Variants in MS4A6E observed in about 807,000 individuals in gnomAD.
MS4A6E encodes the protein membrane-spanning 4-domains subfamily A member 6E.
A neutral mutation model predicts 13.2 loss-of-function variants in MS4A6E; 8 were observed. The observed-to-expected ratio is 0.60, with a 90% CI of 0.35 to 1.09. The LOEUF is 1.09. MS4A6E is among the 50% of genes least tolerant of loss of function. The pLI, the probability that MS4A6E is intolerant of heterozygous loss-of-function variation, is 0.02. For synonymous variants in MS4A6E, 72 were observed against 67.6 expected, an observed-to-expected ratio of 1.06 and a Z score of -0.32; for missense variants, 177 against 171.1, an observed-to-expected ratio of 1.03 and a Z score of -0.19.
intron 1 of MS4A6E, among the ~76,000 whole-genome samples, chr11:60,329,312 A>G (rs184660075): frequency 1.4e-3 from 212 of 152,276 alleles, no homozygotes; most frequent in African/African-American, 5.0e-3. Context: ...GTCCCTGAAA[A>G]GGACATGAAC....
downstream of MS4A6E, among the ~76,000 whole-genome samples, chr11:60,342,204 G>T (rs76877532): frequency 3.5e-4 from 34 of 98,196 alleles, no homozygotes; most frequent in Non-Finnish European, 5.1e-4. Flanking sequence ...AGAGAGAGGG[G>T]GGGGGAGAGA....
downstream of MS4A6E, among the ~76,000 whole-genome samples, chr11:60,345,515 G>C (rs946009651): frequency 2.6e-5 from 4 of 152,142 alleles, no homozygotes; most frequent in African/African-American, 4.8e-5. Flanking sequence ...GTCTAGTCTG[G>C]ATTTTCTAGG....
At chr11:60,336,316 A>C (rs1169776897) in intron 2 of MS4A6E, among the ~76,000 whole-genome samples, 5 of 152,188 alleles carry the variant, frequency 3.3e-5, no homozygotes, top group Non-Finnish European at 7.3e-5. Flanking sequence ...ATTTTACTTA[A>C]TTTTACTTCA....
In MS4A6E at chr11:60,341,262, T is replaced by C. The variant is rs1246385158; in HGVS notation, c.*496T>C. Among the ~76,000 whole-genome samples, 1 of 152,228 alleles carries C rather than the reference T, an allele frequency of 6.6e-6. No individual in the cohort carries two copies. Among genetic ancestry groups the C allele is most frequent in the African/African-American group, 2.4e-5 (1 of 41,460 alleles). On this transcript the variant is annotated 3_prime_UTR_variant, in exon 5 of 5. Coordinates refer to ENST00000684409, the MANE Select transcript of MS4A6E (RefSeq NM_139249.4). ...CCCATGTATTTTACTCATTAGTGCA[T>C]AAAGGCAAACCCCATAATGAAGTCT...
downstream of MS4A6E, among the ~76,000 whole-genome samples, chr11:60,343,520 A>G (rs2085241992): frequency 6.6e-6 from 1 of 152,204 alleles, no homozygotes; most frequent in East Asian, 1.9e-4. Flanking sequence ...TGTAGTAGAT[A>G]ATTTACGTCT....
At chr11:60,333,311 G>A (rs1160792712) in intron 1 of MS4A6E, among the ~76,000 whole-genome samples, 3 of 152,190 alleles carry the variant, frequency 2.0e-5, no homozygotes, top group African/African-American at 7.2e-5. Flanking sequence ...TATGCAAAGG[G>A]AGAGATAAGT....
intron 2 of MS4A6E, among the ~76,000 whole-genome samples, chr11:60,336,752 A>T (rs7126184): frequency 0.039 from 5,920 of 152,200 alleles, 173 homozygotes; most frequent in East Asian, 0.14. Context: ...TATGGGATTA[A>T]ATAACACTCT....
chr11:60,348,479 C>T (rs906348201), intron 4 of MS4A6E, among the ~76,000 whole-genome samples: 1 of 152,142 alleles, frequency 6.6e-6, no homozygotes, highest in Non-Finnish European at 1.5e-5. Context: ...GGACTATTTC[C>T]CCACACCATA....
At chr11:60,335,483 T>C (rs746227786) in intron 2 of MS4A6E, 3 of 427,564 alleles carry the variant, frequency 7.0e-6, no homozygotes, top group South Asian at 5.1e-5. Context: ...TTTTTGAGAA[T>C]GGAAATGATA....
At chr11:60,342,458 C>T (rs574158815), downstream of MS4A6E, among the ~76,000 whole-genome samples, 1 of 145,696 alleles carries the variant, frequency 6.9e-6, no homozygotes, top group Non-Finnish European at 1.5e-5. Flanking sequence ...GAAGGGATCC[C>T]GAATGGATTT....
At chr11:60,337,040 G>A (rs1386305868) in intron 2 of MS4A6E, among the ~76,000 whole-genome samples, 2 of 151,968 alleles carry the variant, frequency 1.3e-5, no homozygotes, top group African/African-American at 4.8e-5. Flanking sequence ...TGTACCTCCC[G>A]CTGCCTCCCA....
At chr11:60,334,530 A>C (rs748701267) in intron 1 of MS4A6E, among the ~76,000 whole-genome samples, 1 of 152,224 alleles carries the variant, frequency 6.6e-6, no homozygotes, top group Non-Finnish European at 1.5e-5. Context: ...TGTCTAAAAA[A>C]TTCATCAAAT....
chr11:60,344,882 T>A (rs1417760812), downstream of MS4A6E, among the ~76,000 whole-genome samples: 1 of 151,676 alleles, frequency 6.6e-6, no homozygotes, highest in Non-Finnish European at 1.5e-5. Context: ...AACCTGCTAA[T>A]TTCCTGGTGG....
At chr11:60,344,924 G>GT (rs1590778651), downstream of MS4A6E, among the ~76,000 whole-genome samples, 1 of 150,120 alleles carries the variant, frequency 6.7e-6, no homozygotes, top group Non-Finnish European at 1.5e-5. Context: ...TTTTTTGTTT[G>GT]TTTTTTTGTT....
intron 1 of MS4A6E, among the ~76,000 whole-genome samples, chr11:60,331,102 T>A (rs2085153105): frequency 6.6e-6 from 1 of 152,200 alleles, no homozygotes; most frequent in Admixed American, 6.5e-5. Context: ...ACTTTAAATA[T>A]GTACAATGAA....
downstream of MS4A6E, among the ~76,000 whole-genome samples, chr11:60,343,010 G>T (rs1479946222): frequency 6.6e-6 from 1 of 152,090 alleles, no homozygotes; most frequent in African/African-American, 2.4e-5. Context: ...ACTACTTCCT[G>T]CTGAAAAGGG....
chr11:60,347,751 C>A (rs912655705), intron 4 of MS4A6E, among the ~76,000 whole-genome samples: 1 of 152,082 alleles, frequency 6.6e-6, no homozygotes, highest in East Asian at 1.9e-4. Flanking sequence ...CCCACCCCAG[C>A]CATGAAACTG....
downstream of MS4A6E, among the ~76,000 whole-genome samples, chr11:60,345,932 G>C (rs2135068638): frequency 6.6e-6 from 1 of 152,302 alleles, no homozygotes; most frequent in Middle Eastern, 3.4e-3. Flanking sequence ...GGGAAGAGGG[G>C]AGGCCTGGAT....
At chr11:60,340,089 A>C in intron 4 of MS4A6E, 125 bp downstream of exon 4, 1 of 1,412,940 alleles carries the variant, frequency 7.1e-7, no homozygotes, top group South Asian at 1.3e-5. Context: ...ATGGGAGGTC[A>C]TTTAAATGGT....
Sources: allele counts gnomAD v4.1 joint callset (sites outside exome capture counted in the v4.1 genomes callset), GRCh38; gene constraint gnomAD v4.1.1; transcripts MANE v1.5; gene names NCBI Gene and HGNC (gene_info 2026-07-23, HGNC 2026-07-21).